TPD52L2: variants seen among roughly 807,000 people sequenced by gnomAD.
TPD52L2 encodes tumor protein D54.
Under a neutral mutation model 24.7 loss-of-function variants are expected in TPD52L2, and 19 were observed. The observed-to-expected ratio is 0.77, with a 90% confidence interval of 0.54 to 1.13. TPD52L2 has a LOEUF of 1.13. TPD52L2 is among the 50% of genes most tolerant of loss of function. The pLI is 0.00. For missense variants in TPD52L2, 236 were observed against 250.4 expected, an observed-to-expected ratio of 0.94 and a Z score of 0.39; for synonymous variants, 104 against 100.2, an observed-to-expected ratio of 1.04 and a Z score of -0.23.
intron 2 of TPD52L2, among the ~76,000 whole-genome samples, chr20:63,871,303 G>C (rs1480426762): frequency 6.7e-6 from 1 of 150,162 alleles, no homozygotes; most frequent in Non-Finnish European, 1.5e-5. Flanking sequence ...TCAGCCTCCC[G>C]AAGTGCTAGG....
chr20:63,883,490 C>G (rs1213501801), intron 5 of TPD52L2, among the ~76,000 whole-genome samples: 3 of 152,158 alleles, frequency 2.0e-5, no homozygotes, highest in Admixed American at 6.5e-5. Context: ...CCTGGCTGGG[C>G]ACCCCAGCTG....
intron 5 of TPD52L2, among the ~76,000 whole-genome samples, chr20:63,884,799 G>A (rs1026076498): frequency 1.3e-5 from 2 of 152,118 alleles, no homozygotes; most frequent in East Asian, 3.9e-4. Context: ...GGGCCAGCTG[G>A]GGGAGCGGGG....
chr20:63,866,160 A>G (rs2146163259), intron 1 of TPD52L2, among the ~76,000 whole-genome samples: 1 of 152,218 alleles, frequency 6.6e-6, no homozygotes, highest in Middle Eastern at 3.4e-3. Context: ...GCTGGAGTGC[A>G]GTGGCGCGAT....
At position 63,865,270 on chromosome 20, in the gene TPD52L2, A is replaced by C. The variant is rs1353563033; in HGVS notation, c.-96A>C. 3 of 1,359,772 alleles carry C rather than the reference A, an allele frequency of 2.2e-6. No individual in the cohort carries two copies. In the East Asian group the frequency reaches 8.7e-5, roughly 39 times the overall value. 84.2% of individuals were successfully genotyped at this position (1,359,772 alleles called of 1,614,324 possible). On this transcript the variant is annotated 5_prime_UTR_variant, in exon 1 of 7. Transcript: ENST00000346249. ...TTACGAAACGCCGCGGAGCTGAGGC[A>C]GTTCCGCTGGCTAGTGTGTACGCGG...
intron 1 of TPD52L2, among the ~76,000 whole-genome samples, chr20:63,867,780 C>A (rs1218461516): frequency 6.8e-6 from 1 of 147,294 alleles, no homozygotes; most frequent in Non-Finnish European, 1.5e-5. Context: ...TTTTCTTTTT[C>A]TTTTCTTTTG....
intron 2 of TPD52L2, among the ~76,000 whole-genome samples, chr20:63,870,524 T>G (rs946836872): frequency 9.4e-4 from 126 of 133,368 alleles, no homozygotes; most frequent in African/African-American, 3.4e-3. Flanking sequence ...GGTGAAGTTT[T>G]TTTTTTTTTT....
chr20:63,888,602 A>C (rs1277624179), intron 5 of TPD52L2: 2 of 125,896 alleles, frequency 1.6e-5, no homozygotes, highest in Non-Finnish European at 3.3e-5. Context: ...CAGCCCCCCA[A>C]CTGCGCAGAC....
intron 5 of TPD52L2, among the ~76,000 whole-genome samples, chr20:63,883,343 C>T (rs1246276234): frequency 6.6e-6 from 1 of 152,178 alleles, no homozygotes; most frequent in Non-Finnish European, 1.5e-5. Flanking sequence ...AGGGCTGGGG[C>T]CAAGGAGTGA....
intron 1 of TPD52L2, among the ~76,000 whole-genome samples, chr20:63,867,380 A>G (rs1015167035): frequency 2.0e-5 from 3 of 152,146 alleles, no homozygotes; most frequent in African/African-American, 7.2e-5. Flanking sequence ...AGCCTAACCA[A>G]CGTGCCAAAA....
chr20:63,873,765 A>G lies in TPD52L2; in HGVS notation c.263A>G (p.Glu88Gly), dbSNP rs2146196622. ...KRRLGLSTLG[E>G]LKQNLSRSWH... The stretch of plus-strand genomic sequence containing the variant: ...AGGCTGGGCCTCTCCACCCTGGGGG[A>G]GCTGAAACAGAACCTGTCCAGGAGC... The change falls in exon 3 of 7, where the codon GAG (glutamate) becomes GGG (glycine). Residue 88 changes from glutamate (E) to glycine (G), a missense_variant. Physicochemically the swap from Glu to Gly is moderately conservative, Grantham distance 98. Coordinates refer to ENST00000346249, the MANE Select transcript of TPD52L2 (RefSeq NM_003288.4). The G allele has an allele frequency of 6.3e-7, 1 of 1,598,124 alleles. No homozygotes were observed. The highest frequency in any genetic ancestry group is 8.5e-7 in the Non-Finnish European group (1 of 1,173,602).
intron 4 of TPD52L2, 42 bp downstream of exon 4, chr20:63,875,917 C>A: frequency 6.3e-7 from 1 of 1,594,724 alleles, no homozygotes; most frequent in Non-Finnish European, 8.6e-7. Context: ...TCCTCCTCTC[C>A]GCCTCCTGAC....
chr20:63,890,210 C>T lies in TPD52L2; in HGVS notation c.*265C>T, dbSNP rs541764362. The T allele has an allele frequency of 7.7e-5, 55 of 715,718 alleles. No individual in the cohort carries two copies. The highest frequency in any genetic ancestry group is 2.7e-4 in the Admixed American group (8 of 30,022). 44.3% of individuals were successfully genotyped at this position (715,718 alleles called of 1,614,324 possible). On this transcript the variant is annotated 3_prime_UTR_variant, in exon 7 of 7. Coordinates refer to ENST00000346249, the MANE Select transcript of TPD52L2 (RefSeq NM_003288.4). ...CTAGGGGTGCAGGAAGTGGACAGGG[C>T]GGAGGGTTTGAAAGAATATTGAGCC... is the stretch of plus-strand genomic sequence containing the variant.
Position 63,865,296 on chromosome 20 carries a change from C to T in TPD52L2, c.-70C>T, listed in dbSNP as rs557104904. 12 of 1,481,086 alleles carry T rather than the reference C, an allele frequency of 8.1e-6. No homozygotes were observed. Among genetic ancestry groups the T allele is most frequent in the South Asian group, 7.8e-5 (6 of 77,088 alleles). The allele number at this position is 1,481,086 out of a possible 1,614,324, so 91.7% of individuals were successfully genotyped here. On this transcript the variant is annotated 5_prime_UTR_variant, in exon 1 of 7. Transcript: ENST00000346249. ...GTTCCGCTGGCTAGTGTGTACGCGG[C>T]GAGCTTCTCCCGGCGCCGCCCGCTC...
At chr20:63,868,450 G>A (rs989399491) in intron 1 of TPD52L2, among the ~76,000 whole-genome samples, 2 of 152,244 alleles carry the variant, frequency 1.3e-5, no homozygotes, top group Admixed American at 1.3e-4. Context: ...GCACCTCTCT[G>A]CCTGCTGGCG....
rs2053278953 is a variant in TPD52L2 at position 63,890,154 on chromosome 20, G to A, written c.*209G>A. ...ACACAGATGTTTTACACTCACGTTT[G>A]TAGATGAAACAGATCACTGTGCTGT... is the stretch of plus-strand genomic sequence containing the variant. On this transcript the variant is annotated 3_prime_UTR_variant, in exon 7 of 7. Coordinates refer to ENST00000346249, the MANE Select transcript of TPD52L2 (RefSeq NM_003288.4). 6 of 1,170,088 alleles carry A rather than the reference G, an allele frequency of 5.1e-6. No individual in the cohort carries two copies. The highest frequency in any genetic ancestry group is 2.5e-5 in the Admixed American group (1 of 40,052). 72.5% of individuals were successfully genotyped at this position (1,170,088 alleles called of 1,614,324 possible). A position where few individuals can be genotyped will look rare whatever the true frequency, so the allele number is the denominator to read the frequency against.
At chr20:63,874,335 C>T (rs1012678356) in intron 3 of TPD52L2, among the ~76,000 whole-genome samples, 13 of 150,914 alleles carry the variant, frequency 8.6e-5, no homozygotes, top group Non-Finnish European at 1.9e-4. Flanking sequence ...CCACCTCAGC[C>T]TCCCAAAGTG....
chr20:63,874,648 T>C (rs371015622), intron 3 of TPD52L2, among the ~76,000 whole-genome samples: 13 of 152,338 alleles, frequency 8.5e-5, no homozygotes, highest in African/African-American at 2.9e-4. Context: ...TGCTTGGGAT[T>C]ACACGTGTGA....
rs548914440 is a variant in TPD52L2, at chr20:63,873,346, G to T, written c.166-322G>T. ...CTCTACTAAAAATACAAAATTAGCC[G>T]GGCAGGGTGGCACACGCCTGTAATC... is the stretch of plus-strand genomic sequence containing the variant. On this transcript the variant is annotated intron_variant, in intron 2 of 6. Transcript: ENST00000346249. Among the ~76,000 whole-genome samples the T allele has an allele frequency of 9.2e-5, 14 of 152,090 alleles. No homozygotes were observed. The South Asian group carries it at 1.2e-3, about 14-fold the overall frequency.
chr20:63,873,335 C>G (rs1339156076), intron 2 of TPD52L2, among the ~76,000 whole-genome samples: 1 of 151,308 alleles, frequency 6.6e-6, no homozygotes, highest in African/African-American at 2.4e-5. Flanking sequence ...ACTAAAAATA[C>G]AAAATTAGCC....
Sources: gnomAD v4.1 joint callset for allele counts (sites outside exome capture counted in the v4.1 genomes callset) on GRCh38, gnomAD v4.1.1 for gene constraint, MANE v1.5 for transcripts, NCBI Gene and HGNC (gene_info 2026-07-23, HGNC 2026-07-21) for gene names.